NEBL: variants seen among roughly 807,000 people sequenced by gnomAD.
NEBL encodes LIM and SH3 protein 2.
Under a neutral mutation model 140.2 loss-of-function variants are expected in NEBL, and 122 were observed. That is an observed-to-expected ratio of 0.87 (90% CI 0.75 to 1.01). The LOEUF (loss-of-function observed/expected upper bound fraction) is 1.01. Among genes scored for constraint, NEBL ranks in the 50% least tolerant of loss-of-function variants. The pLI, the probability that NEBL is intolerant of heterozygous loss-of-function variation, is 0.00. For missense variants in NEBL, 1,365 were observed against 1,231.3 expected (o/e 1.11, Z -1.62); for synonymous variants, 436 against 398.9 (o/e 1.09, Z -1.11).
chr10:20,837,412 C>T (rs1425733118), intron 13 of NEBL, among the ~76,000 whole-genome samples: 1 of 152,192 alleles, frequency 6.6e-6, no homozygotes, highest in African/African-American at 2.4e-5. Flanking sequence ...CCCTAACCCT[C>T]CTCATTTCTG....
intron 3 of NEBL, among the ~76,000 whole-genome samples, chr10:21,243,207 T>G (rs898930642): frequency 6.6e-6 from 1 of 151,976 alleles, no homozygotes; most frequent in Non-Finnish European, 1.5e-5. Context: ...CCATTCAAGA[T>G]ATCTAGACCT....
chr10:21,029,591 A>G (rs555379131), intron 2 of NEBL: 3 of 1,584,776 alleles, frequency 1.9e-6, no homozygotes, highest in African/African-American at 2.7e-5. Flanking sequence ...ACAGATACAG[A>G]CTGGAGGGCT....
intron 3 of NEBL, among the ~76,000 whole-genome samples, chr10:20,974,995 G>T (rs532090355): frequency 6.6e-6 from 1 of 152,068 alleles, no homozygotes; most frequent in Admixed American, 6.6e-5. Flanking sequence ...TTCATGATTC[G>T]ATATAATTCC....
At chr10:20,958,491 T>G (rs540053649) in intron 4 of NEBL, among the ~76,000 whole-genome samples, 6 of 152,160 alleles carry the variant, frequency 3.9e-5, no homozygotes, top group Non-Finnish European at 8.8e-5. Flanking sequence ...TTATCTTCAA[T>G]TAAACGATTT....
chr10:21,167,464 A>C (rs895365373), intron 2 of NEBL, among the ~76,000 whole-genome samples: 2 of 152,236 alleles, frequency 1.3e-5, no homozygotes, highest in Non-Finnish European at 2.9e-5. Context: ...ATTATTGGCA[A>C]GGTCATGTTA....
chr10:20,898,159 T>A (rs1341895859), upstream of NEBL, among the ~76,000 whole-genome samples: 1 of 152,092 alleles, frequency 6.6e-6, no homozygotes, highest in Non-Finnish European at 1.5e-5. Flanking sequence ...CTTGGTTACG[T>A]AAAACCAAGG....
chr10:20,819,378 A>G, intron 20 of NEBL, 46 bp downstream of exon 20: 3 of 1,612,206 alleles, frequency 1.9e-6, no homozygotes. Context: ...TTAAATAAAA[A>G]TATGTTATGT....
chr10:21,183,193 C>A (rs1423424485), intron 3 of NEBL, among the ~76,000 whole-genome samples: 1 of 152,110 alleles, frequency 6.6e-6, no homozygotes, highest in African/African-American at 2.4e-5. Flanking sequence ...CAGATCTCTG[C>A]CCAGCAGCAT....
intron 3 of NEBL, among the ~76,000 whole-genome samples, chr10:21,230,633 C>T (rs1397561407): frequency 1.4e-5 from 2 of 143,436 alleles, no homozygotes; most frequent in Admixed American, 7.1e-5. Flanking sequence ...GAGACAGGGG[C>T]TCGCTCTGTC....
At position 20,782,244 on chromosome 10, in the gene NEBL, T is replaced by C. The variant is rs897084105; in HGVS notation, c.*3503A>G. On this transcript the variant is annotated 3_prime_UTR_variant, in exon 28 of 28. Transcript: ENST00000377122. ...ATAGAATAGGCAGCAACTTGCTTGC[T>C]TGGTTTTCTTTCCAAGAGCATACTA... is the stretch of plus-strand genomic sequence containing the variant. The C allele has an allele frequency of 1.3e-5, 2 of 152,552 alleles. No individual in the cohort carries two copies. Among genetic ancestry groups the C allele is most frequent in the Non-Finnish European group, 2.9e-5 (2 of 68,016 alleles). The allele number at this position is 152,552 out of a possible 1,614,324, so 9.4% of individuals were successfully genotyped here.
chr10:21,244,188 C>G (rs1001788851), intron 3 of NEBL, among the ~76,000 whole-genome samples: 7 of 151,762 alleles, frequency 4.6e-5, no homozygotes, highest in African/African-American at 1.7e-4. Flanking sequence ...TGTTTTTTGA[C>G]AGTCTTACTC....
At position 20,828,542 on chromosome 10, in the gene NEBL, T is replaced by C. The variant is rs112545336; in HGVS notation, c.1764A>G (p.Gln588=). ...PEIQRIKTTQ[Q]NISAVFYKKE... ...AATGGCTACTCACCGCACTAATGTT[T>C]TGTTGAGTTGTCTTAATTCTCTGAA... Residue 588 remains glutamine (Q), a synonymous_variant, in exon 17 of 28, where the codon CAA becomes CAG. Coordinates refer to ENST00000377122, the MANE Select transcript of NEBL (RefSeq NM_006393.3). The C allele has an allele frequency of 1.1e-5, 18 of 1,581,030 alleles. 1 individual carries two copies. The highest frequency in any genetic ancestry group is 5.4e-5 in the African/African-American group (4 of 74,202).
At chr10:20,937,725 C>G (rs768626294) in intron 4 of NEBL, among the ~76,000 whole-genome samples, 3 of 152,140 alleles carry the variant, frequency 2.0e-5, no homozygotes, top group African/African-American at 7.2e-5. Flanking sequence ...CCTGGAAAAT[C>G]GGGTCACTCC....
chr10:21,215,545 A>G (rs1164700609), intron 3 of NEBL, among the ~76,000 whole-genome samples: 2 of 152,264 alleles, frequency 1.3e-5, no homozygotes, highest in Non-Finnish European at 2.9e-5. Context: ...ATATCTTTTA[A>G]AACTAACAAA....
chr10:21,172,085 C>G (rs1841098156), intron 2 of NEBL: 1 of 413,472 alleles, frequency 2.4e-6, no homozygotes, highest in African/African-American at 2.0e-5. Context: ...TCAGAGCCCA[C>G]ACGTTCTCAG....
At chr10:21,060,146 T>C (rs1835209784) in intron 2 of NEBL, among the ~76,000 whole-genome samples, 1 of 152,178 alleles carries the variant, frequency 6.6e-6, no homozygotes. Flanking sequence ...GAAGAGGTGC[T>C]TCTAAATGAC....
intron 3 of NEBL, among the ~76,000 whole-genome samples, chr10:21,182,472 T>C (rs1312517034): frequency 2.6e-5 from 4 of 152,148 alleles, no homozygotes; most frequent in Non-Finnish European, 5.9e-5. Flanking sequence ...ACAGACCTTA[T>C]CTCTAAAAAG....
chr10:20,994,700 A>G (rs1015494249), intron 3 of NEBL, among the ~76,000 whole-genome samples: 7 of 152,236 alleles, frequency 4.6e-5, no homozygotes, highest in African/African-American at 1.7e-4. Flanking sequence ...CGATTAACAC[A>G]TAGTTAGTAT....
intron 4 of NEBL, among the ~76,000 whole-genome samples, chr10:20,882,480 A>G (rs1241367467): frequency 1.3e-5 from 2 of 152,166 alleles, no homozygotes; most frequent in Non-Finnish European, 2.9e-5. Flanking sequence ...GTTTTTACCA[A>G]TATGAGCTCC....
Sources: allele counts gnomAD v4.1 joint callset (sites outside exome capture counted in the v4.1 genomes callset), GRCh38; gene constraint gnomAD v4.1.1; transcripts MANE v1.5; gene names NCBI Gene and HGNC (gene_info 2026-07-23, HGNC 2026-07-21).